The following GPM6A variants were observed in gnomAD, a reference collection of about 807,000 sequenced individuals.
GPM6A encodes neuronal membrane glycoprotein M6-a.
Under a neutral mutation model 32.1 loss-of-function variants are expected in GPM6A, and 7 were observed. The observed-to-expected ratio is 0.22, with a 90% confidence interval of 0.12 to 0.41. GPM6A has a LOEUF of 0.41. GPM6A is among the 10% of genes least tolerant of loss of function. The probability of loss-of-function intolerance (pLI) is 1.00; values close to 1 mark genes in which losing one functional copy is unlikely to be tolerated. For synonymous variants in GPM6A, 130 were observed against 123.4 expected, an observed-to-expected ratio of 1.05 and a Z score of -0.35; for missense variants, 235 against 347.2, an observed-to-expected ratio of 0.68 and a Z score of 2.57.
chr4:175,706,446 A>G (rs893752904), intron 1 of GPM6A, among the ~76,000 whole-genome samples: 1 of 152,254 alleles, frequency 6.6e-6, no homozygotes, highest in African/African-American at 2.4e-5. Flanking sequence ...AGAGAGGCCA[A>G]CAAAATTGTG....
intron 1 of GPM6A, among the ~76,000 whole-genome samples, chr4:175,829,074 C>A (rs903192211): frequency 4.6e-5 from 7 of 152,052 alleles, no homozygotes; most frequent in South Asian, 4.1e-4. Context: ...CAAGCATGTG[C>A]CAGCGTGCAG....
At chr4:175,706,972 A>C (rs1405778551) in intron 1 of GPM6A, among the ~76,000 whole-genome samples, 1 of 152,196 alleles carries the variant, frequency 6.6e-6, no homozygotes, top group Non-Finnish European at 1.5e-5. Context: ...GTGCTATGAC[A>C]GTTTACAAAT....
chr4:175,687,743 A>T (rs1399334617), intron 2 of GPM6A, among the ~76,000 whole-genome samples: 1 of 152,194 alleles, frequency 6.6e-6, no homozygotes, highest in Non-Finnish European at 1.5e-5. Flanking sequence ...TTTCCAAGGA[A>T]CTGCCAAACT....
At chr4:175,903,088 G>C (rs1738020484) in intron 1 of GPM6A, among the ~76,000 whole-genome samples, 1 of 152,016 alleles carries the variant, frequency 6.6e-6, no homozygotes, top group Non-Finnish European at 1.5e-5. Flanking sequence ...AGAAACCACG[G>C]CTCCTTAGAG....
chr4:175,699,236 C>A (rs1744738936), intron 2 of GPM6A, among the ~76,000 whole-genome samples: 1 of 152,134 alleles, frequency 6.6e-6, no homozygotes, highest in African/African-American at 2.4e-5. Context: ...TCTCTAAAAG[C>A]TAACCTGCAA....
At chr4:175,942,678 A>G (rs1044942304) in intron 1 of GPM6A, among the ~76,000 whole-genome samples, 1 of 152,150 alleles carries the variant, frequency 6.6e-6, no homozygotes, top group Non-Finnish European at 1.5e-5. Flanking sequence ...TTCAAAGATC[A>G]GATGGTTGTA....
chr4:175,970,904 C>T (rs763002687), intron 1 of GPM6A: 15 of 445,908 alleles, frequency 3.4e-5, no homozygotes, highest in Non-Finnish European at 6.2e-5. Flanking sequence ...ACCGACAGAC[C>T]CTTTTTTTTC....
At chr4:175,956,413 A>G (rs1337523983) in intron 1 of GPM6A, among the ~76,000 whole-genome samples, 1 of 152,216 alleles carries the variant, frequency 6.6e-6, no homozygotes, top group Non-Finnish European at 1.5e-5. Context: ...GCTCGAATTC[A>G]TATCACTATT....
intron 1 of GPM6A, among the ~76,000 whole-genome samples, chr4:175,803,011 G>A (rs890043633): frequency 9.9e-5 from 15 of 152,028 alleles, no homozygotes; most frequent in African/African-American, 2.7e-4. Flanking sequence ...TCCCAAGCCA[G>A]GTTTAGCTGC....
chr4:175,789,737 C>T (rs948627341), intron 1 of GPM6A, among the ~76,000 whole-genome samples: 1 of 152,172 alleles, frequency 6.6e-6, no homozygotes, highest in Non-Finnish European at 1.5e-5. Flanking sequence ...ATCAAACCAA[C>T]TCTCTATTTC....
chr4:175,792,571 A>C (rs191481314), intron 1 of GPM6A, among the ~76,000 whole-genome samples: 1 of 152,274 alleles, frequency 6.6e-6, no homozygotes, highest in Admixed American at 6.5e-5. Flanking sequence ...ATAACAACTA[A>C]GTTTACTTAG....
intron 4 of GPM6A, among the ~76,000 whole-genome samples, chr4:175,643,297 A>G (rs776194485): frequency 6.6e-6 from 1 of 151,914 alleles, no homozygotes; most frequent in Non-Finnish European, 1.5e-5. Flanking sequence ...ATGACTCTCT[A>G]CTCCCCTCAG....
chr4:175,946,860 C>T (rs1360603811), intron 1 of GPM6A, among the ~76,000 whole-genome samples: 1 of 151,990 alleles, frequency 6.6e-6, no homozygotes, highest in Non-Finnish European at 1.5e-5. Context: ...AAGAAAGGTG[C>T]CTTTAAGAAA....
chr4:175,923,479 G>A (rs1738735595), intron 1 of GPM6A, among the ~76,000 whole-genome samples: 2 of 150,992 alleles, frequency 1.3e-5, no homozygotes, highest in Non-Finnish European at 2.9e-5. Flanking sequence ...GGAGGGGAAG[G>A]TTCCAAGCCT....
chr4:175,722,784 C>G (rs76709530), intron 1 of GPM6A, among the ~76,000 whole-genome samples: 2 of 152,096 alleles, frequency 1.3e-5, no homozygotes, highest in Admixed American at 1.3e-4. Flanking sequence ...TGGCTCATAC[C>G]TGTAATCCCA....
At chr4:175,831,521 C>T (rs1157160973) in intron 1 of GPM6A, among the ~76,000 whole-genome samples, 2 of 152,018 alleles carry the variant, frequency 1.3e-5, no homozygotes, top group African/African-American at 4.8e-5. Context: ...TGATGGGCCC[C>T]ATGTCAAGAA....
chr4:175,732,738 T>C (rs981522091), intron 1 of GPM6A, among the ~76,000 whole-genome samples: 2 of 152,210 alleles, frequency 1.3e-5, no homozygotes, highest in Non-Finnish European at 2.9e-5. Flanking sequence ...TGTAGCTTCT[T>C]ATGATACTTC....
At chr4:175,757,637 C>A (rs1732579434) in intron 1 of GPM6A, among the ~76,000 whole-genome samples, 1 of 152,030 alleles carries the variant, frequency 6.6e-6, no homozygotes, top group African/African-American at 2.4e-5. Context: ...AATGTAACAA[C>A]CCATCATGTA....
intron 3 of GPM6A, among the ~76,000 whole-genome samples, chr4:175,658,468 A>C (rs911687159): frequency 3.3e-5 from 5 of 152,178 alleles, no homozygotes; most frequent in African/African-American, 1.2e-4. Flanking sequence ...TAGAACCGTG[A>C]AACTATTCTG....
Sources: gnomAD v4.1 joint callset for allele counts (sites outside exome capture counted in the v4.1 genomes callset) on GRCh38, gnomAD v4.1.1 for gene constraint, MANE v1.5 for transcripts, NCBI Gene and HGNC (gene_info 2026-07-23, HGNC 2026-07-21) for gene names.